The following EHBP1 variants were observed in gnomAD, a reference collection of about 807,000 sequenced individuals.
The protein encoded by EHBP1 is EH domain-binding protein 1.
Under a neutral mutation model 144.0 loss-of-function variants are expected in EHBP1, and 55 were observed. The ratio of observed to expected loss-of-function variants is 0.38; its 90% CI spans 0.31 to 0.48. The LOEUF is 0.48. Among genes scored for constraint, EHBP1 ranks in the 20% least tolerant of loss-of-function variants. EHBP1 has a pLI of 0.98. For synonymous variants in EHBP1, 469 were observed against 472.7 expected, an observed-to-expected ratio of 0.99 and a Z score of 0.10; for missense variants, 1,200 against 1,364.2, an observed-to-expected ratio of 0.88 and a Z score of 1.90.
chr2:63,039,347 T>C (rs2061568795), intron 21 of EHBP1, among the ~76,000 whole-genome samples: 1 of 152,210 alleles, frequency 6.6e-6, no homozygotes, highest in African/African-American at 2.4e-5. Context: ...AGCTTTTAAA[T>C]GAATTATATA....
chr2:62,749,344 C>T (rs2039456784), intron 3 of EHBP1, among the ~76,000 whole-genome samples: 1 of 152,192 alleles, frequency 6.6e-6, no homozygotes, highest in Non-Finnish European at 1.5e-5. Flanking sequence ...CATAGTATTC[C>T]ATGGTGTCTA....
Position 62,773,097 on chromosome 2 carries a change from C to T in EHBP1, c.312+1705C>T, listed in dbSNP as rs150975497. The stretch of plus-strand genomic sequence containing the variant: ...CTAATTTATATACTCTAAATTAGGG[C>T]AACTGTCATAAATTATGAACTATAT... On this transcript the variant is annotated intron_variant, in intron 5 of 22. Coordinates refer to ENST00000431489, the MANE Select transcript of EHBP1 (RefSeq NM_001142616.3). Among the ~76,000 whole-genome samples, 713 of 152,242 alleles carry T rather than the reference C, an allele frequency of 4.7e-3. 1 individual carries two copies. Among genetic ancestry groups the T allele is most frequent in the Non-Finnish European group, 8.1e-3 (548 of 68,010 alleles).
At chr2:62,767,793 G>T (rs2041307980) in intron 4 of EHBP1, among the ~76,000 whole-genome samples, 1 of 145,238 alleles carries the variant, frequency 6.9e-6, no homozygotes, top group Admixed American at 7.2e-5. Context: ...CCAAGATCAT[G>T]CCCCTGCACT....
intron 4 of EHBP1, among the ~76,000 whole-genome samples, chr2:62,770,794 A>G (rs1401585843): frequency 6.6e-6 from 1 of 152,238 alleles, no homozygotes; most frequent in East Asian, 1.9e-4. Flanking sequence ...AAAATGTTGT[A>G]TATGTATACA....
At chr2:62,842,423 G>C (rs756263723) in intron 7 of EHBP1, among the ~76,000 whole-genome samples, 3 of 152,072 alleles carry the variant, frequency 2.0e-5, no homozygotes, top group Non-Finnish European at 4.4e-5. Context: ...TTATCCACGA[G>C]GGCAGATCCC....
At chr2:62,759,265 C>G (rs1380083224) in intron 3 of EHBP1, among the ~76,000 whole-genome samples, 2 of 152,166 alleles carry the variant, frequency 1.3e-5, no homozygotes, top group African/African-American at 4.8e-5. Flanking sequence ...AAATAATCTG[C>G]CTTTCCTAAC....
At chr2:62,885,538 A>G (rs1446346179) in intron 10 of EHBP1, among the ~76,000 whole-genome samples, 2 of 152,182 alleles carry the variant, frequency 1.3e-5, no homozygotes, top group African/African-American at 2.4e-5. Context: ...TGAATATGCA[A>G]ACTACTAGAT....
intron 10 of EHBP1, among the ~76,000 whole-genome samples, chr2:62,929,009 C>T (rs2055762436): frequency 6.6e-6 from 1 of 152,016 alleles, no homozygotes; most frequent in Admixed American, 6.6e-5. Flanking sequence ...TTCCTAGAAA[C>T]AGAAGACCTA....
At position 62,677,391 on chromosome 2, in the gene EHBP1, A is replaced by G. The variant is rs182218267; in HGVS notation, c.-296+3308A>G. Reference sequence around the variant, plus strand: ...TTGTGGGTATACAACAGGTGTAAATATGTGTGGGTTACATGAGATATTTTG... The same window carrying G: ...TTGTGGGTATACAACAGGTGTAAATGTGTGTGGGTTACATGAGATATTTTG... On this transcript the variant is annotated intron_variant, in intron 1 of 22. Transcript: ENST00000405015. Among the ~76,000 whole-genome samples, 101 of 152,240 alleles carry G rather than the reference A, an allele frequency of 6.6e-4. 1 individual carries two copies. Among genetic ancestry groups the G allele is most frequent in the African/African-American group, 2.2e-3 (93 of 41,534 alleles).
At position 62,864,860 on chromosome 2, in the gene EHBP1, C is replaced by T; in HGVS notation, c.887C>T (p.Thr296Ile). 5.0e-6 allele frequency: 8 copies of T among 1,613,960 alleles called. No individual in the cohort carries two copies. The highest frequency in any genetic ancestry group is 5.9e-6 in the Non-Finnish European group (7 of 1,179,974). Residue 296 changes from threonine (T) to isoleucine (I), a missense_variant, in exon 9 of 23, where the codon ACC (threonine) becomes ATC (isoleucine). Coordinates refer to ENST00000431489, the MANE Select transcript of EHBP1 (RefSeq NM_001142616.3). ...TTCGATGAGCCAGAAGCATTTGTGA[C>T]CATAAAGGATTCTCCTCCCCAGTCT... ...NPFDEPEAFV[T>I]IKDSPPQSTK...
chr2:63,007,474 C>T (rs1228520218), intron 19 of EHBP1, among the ~76,000 whole-genome samples: 1 of 151,600 alleles, frequency 6.6e-6, no homozygotes, highest in East Asian at 1.9e-4. Context: ...AAATATTTGC[C>T]ACAGTTTTGA....
chr2:62,992,438 C>G (rs2059451654), intron 16 of EHBP1, among the ~76,000 whole-genome samples: 1 of 152,004 alleles, frequency 6.6e-6, no homozygotes, highest in Admixed American at 6.6e-5. Context: ...CCAAAACACT[C>G]TTATATAGTA....
intron 5 of EHBP1, among the ~76,000 whole-genome samples, chr2:62,781,562 A>G (rs1233222581): frequency 6.6e-6 from 1 of 152,196 alleles, no homozygotes; most frequent in Non-Finnish European, 1.5e-5. Context: ...GAGATTTCAG[A>G]TAGGAGATTA....
intron 10 of EHBP1, among the ~76,000 whole-genome samples, chr2:62,902,714 G>A (rs1269004477): frequency 6.6e-6 from 1 of 152,040 alleles, no homozygotes; most frequent in Non-Finnish European, 1.5e-5. Flanking sequence ...GTAACAAGTG[G>A]CAAGACTCCA....
intron 5 of EHBP1, among the ~76,000 whole-genome samples, chr2:62,797,885 A>G (rs1007112890): frequency 1.3e-5 from 2 of 152,196 alleles, no homozygotes; most frequent in South Asian, 2.1e-4. Flanking sequence ...CAAGGTGTCA[A>G]TGCAGATCAA....
At chr2:62,742,312 A>T (rs752325654) in intron 2 of EHBP1, among the ~76,000 whole-genome samples, 3 of 152,100 alleles carry the variant, frequency 2.0e-5, no homozygotes, top group Admixed American at 6.6e-5. Flanking sequence ...GGACTTGAAC[A>T]TCCTTAGATT....
intron 10 of EHBP1, among the ~76,000 whole-genome samples, chr2:62,879,017 CAAA>C (rs796990216): frequency 1.4e-5 from 1 of 72,264 alleles, no homozygotes. Flanking sequence ...GACGCTGTCT[CAAA>C]AAAAAAAAAA....
intron 3 of EHBP1, among the ~76,000 whole-genome samples, chr2:62,748,451 T>C (rs1392257809): frequency 1.3e-5 from 2 of 151,966 alleles, no homozygotes. Context: ...GCTAGGAATT[T>C]AAGACCAGCC....
intron 2 of EHBP1, among the ~76,000 whole-genome samples, chr2:62,747,193 G>GA (rs1247348854): frequency 6.6e-6 from 1 of 152,070 alleles, no homozygotes; most frequent in African/African-American, 2.4e-5. Flanking sequence ...AGTATTGTTG[G>GA]AAAAGGACAT....
Sources: allele counts gnomAD v4.1 joint callset (sites outside exome capture counted in the v4.1 genomes callset), GRCh38; gene constraint gnomAD v4.1.1; transcripts MANE v1.5; gene names NCBI Gene and HGNC (gene_info 2026-07-23, HGNC 2026-07-21).